WWTR1: variants seen among roughly 807,000 people sequenced by gnomAD.
WWTR1 encodes WW domain-containing transcription regulator protein 1.
WWTR1 carries 13 observed loss-of-function variants against 40.1 expected under a neutral mutation model. That is an observed-to-expected ratio of 0.32 (90% CI 0.21 to 0.52). WWTR1 has a LOEUF of 0.52. Among genes scored for constraint, WWTR1 ranks in the 20% least tolerant of loss-of-function variants. The probability of loss-of-function intolerance (pLI) is 0.97; values close to 1 mark genes in which losing one functional copy is unlikely to be tolerated. For missense variants in WWTR1, 436 were observed against 523.1 expected (o/e 0.83, Z 1.63); for synonymous variants, 230 against 210.1 (o/e 1.09, Z -0.82).
At chr3:149,706,378 G>A (rs1431874778), upstream of WWTR1, among the ~76,000 whole-genome samples, 1 of 152,068 alleles carries the variant, frequency 6.6e-6, no homozygotes, top group Non-Finnish European at 1.5e-5. Flanking sequence ...GAGTGCAATG[G>A]CGTGATCTCG....
chr3:149,660,347 G>A (rs144620139), upstream of WWTR1: 199 of 152,336 alleles, frequency 1.3e-3, no homozygotes, highest in African/African-American at 4.5e-3. Flanking sequence ...AATTAGATGG[G>A]CAGTGAGAAT....
Position 149,656,787 on chromosome 3 carries a change from T to TCACACACA in WWTR1, c.431+88_431+89insTGTGTGTG, listed in dbSNP as rs1274240073. The stretch of plus-strand genomic sequence containing the variant: ...CTTTCTCTCTCTCTCTCTCTCTCTC[T>TCACACACA]CTCTCACACACACACACACACACAC... On this transcript the variant is annotated intron_variant, in intron 2 of 6. Coordinates refer to ENST00000360632, the MANE Select transcript of WWTR1 (RefSeq NM_015472.6). The TCACACACA allele has an allele frequency of 1.8e-3, 1,544 of 857,462 alleles. 16 individuals are homozygous for TCACACACA. The African/African-American group carries it at 0.021, about 12-fold the overall frequency. The allele number at this position is 857,462 out of a possible 1,614,324, so 53.1% of individuals were successfully genotyped here.
At chr3:149,560,446 G>A (rs188422572) in intron 3 of WWTR1, among the ~76,000 whole-genome samples, 13 of 152,234 alleles carry the variant, frequency 8.5e-5, no homozygotes, top group African/African-American at 2.4e-4. Context: ...GCATGGAGCC[G>A]CCCTGAGCAT....
intron 5 of WWTR1, among the ~76,000 whole-genome samples, chr3:149,709,274 CT>C (rs34267226): frequency 0.85 from 123,874 of 145,816 alleles, 52,778 homozygotes; most frequent in African/African-American, 0.94. Context: ...CATGTCTGGC[CT>C]TTTTTTTTTT....
upstream of WWTR1, among the ~76,000 whole-genome samples, chr3:149,661,576 C>A (rs1229952876): frequency 6.6e-6 from 1 of 151,990 alleles, no homozygotes; most frequent in African/African-American, 2.4e-5. Flanking sequence ...CGTGCACCAC[C>A]ACGCCTGGCT....
chr3:149,593,338 T>G (rs1034521331), intron 2 of WWTR1, among the ~76,000 whole-genome samples: 7 of 152,190 alleles, frequency 4.6e-5, no homozygotes, highest in African/African-American at 1.7e-4. Flanking sequence ...CCTCATAATG[T>G]AATTACTTCT....
At chr3:149,638,700 G>T (rs879461750) in intron 2 of WWTR1, among the ~76,000 whole-genome samples, 1 of 151,326 alleles carries the variant, frequency 6.6e-6, no homozygotes, top group African/African-American at 2.4e-5. Context: ...CATTTCCTTC[G>T]CATTTAATTG....
chr3:149,546,623 A>G (rs1736376988), intron 3 of WWTR1, among the ~76,000 whole-genome samples: 2 of 152,232 alleles, frequency 1.3e-5, no homozygotes, highest in Admixed American at 6.5e-5. Context: ...CCTTTTCTGT[A>G]CTATTTTAAG....
At chr3:149,573,556 T>G (rs1268542859) in intron 2 of WWTR1, among the ~76,000 whole-genome samples, 1 of 152,102 alleles carries the variant, frequency 6.6e-6, no homozygotes, top group African/African-American at 2.4e-5. Context: ...AGGTGACACA[T>G]AAAACCCTCA....
upstream of WWTR1, among the ~76,000 whole-genome samples, chr3:149,706,156 A>G (rs572186923): frequency 1.4e-3 from 208 of 152,176 alleles, 2 homozygotes; most frequent in Non-Finnish European, 2.5e-3. Flanking sequence ...AGATCACACA[A>G]TATACCACTG....
At chr3:149,712,034 T>C (rs1365768051) in intron 5 of WWTR1, among the ~76,000 whole-genome samples, 1 of 152,244 alleles carries the variant, frequency 6.6e-6, no homozygotes, top group Non-Finnish European at 1.5e-5. Context: ...TTCTGACATG[T>C]AGTAAGGACT....
At chr3:149,588,387 C>T (rs1011579279) in intron 2 of WWTR1, among the ~76,000 whole-genome samples, 7 of 152,166 alleles carry the variant, frequency 4.6e-5, no homozygotes, top group Non-Finnish European at 5.9e-5. Flanking sequence ...GATCTCATTT[C>T]GCATCCCTGT....
intron 1 of WWTR1, among the ~76,000 whole-genome samples, chr3:149,683,548 G>T (rs1440004533): frequency 1.3e-5 from 2 of 152,144 alleles, no homozygotes; most frequent in Non-Finnish European, 2.9e-5. Context: ...ACAAAAATTA[G>T]CTGGGCATGG....
intron 2 of WWTR1, among the ~76,000 whole-genome samples, chr3:149,609,472 T>C (rs575883620): frequency 6.6e-6 from 1 of 152,352 alleles, no homozygotes; most frequent in Admixed American, 6.5e-5. Context: ...TTTTAAATAA[T>C]TGTAACAAAT....
chr3:149,714,366 A>T (rs1715550111), intron 5 of WWTR1, among the ~76,000 whole-genome samples: 1 of 152,126 alleles, frequency 6.6e-6, no homozygotes, highest in South Asian at 2.1e-4. Context: ...CAGGAAGGCC[A>T]CCCTTGCCCC....
At chr3:149,686,511 T>C (rs1714659819) in intron 1 of WWTR1, among the ~76,000 whole-genome samples, 1 of 152,018 alleles carries the variant, frequency 6.6e-6, no homozygotes, top group South Asian at 2.1e-4. Context: ...GCCTGGGCAA[T>C]ACATACAGCA....
At chr3:149,616,416 A>G (rs1257993118) in intron 2 of WWTR1, among the ~76,000 whole-genome samples, 2 of 151,762 alleles carry the variant, frequency 1.3e-5, no homozygotes, top group African/African-American at 4.8e-5. Flanking sequence ...TACTTTCCTA[A>G]TAAAATGGCT....
intron 3 of WWTR1, among the ~76,000 whole-genome samples, chr3:149,559,926 G>A (rs1393734165): frequency 6.6e-6 from 1 of 152,190 alleles, no homozygotes; most frequent in Non-Finnish European, 1.5e-5. Context: ...TACCCCAACA[G>A]ACCGGTTGGA....
chr3:149,630,530 C>T (rs1468392467), intron 2 of WWTR1, among the ~76,000 whole-genome samples: 1 of 152,126 alleles, frequency 6.6e-6, no homozygotes, highest in Non-Finnish European at 1.5e-5. Flanking sequence ...TCCTGCAGAC[C>T]AGCTCAGTCC....
Sources: allele counts gnomAD v4.1 joint callset (sites outside exome capture counted in the v4.1 genomes callset), GRCh38; gene constraint gnomAD v4.1.1; transcripts MANE v1.5; gene names NCBI Gene and HGNC (gene_info 2026-07-23, HGNC 2026-07-21).